Variants in TENM1 observed in about 807,000 individuals in gnomAD.
TENM1 encodes the protein teneurin-1.
A neutral mutation model predicts 174.8 loss-of-function variants in TENM1; 35 were observed. That is an observed-to-expected ratio of 0.20 (90% CI 0.15 to 0.27). The LOEUF (loss-of-function observed/expected upper bound fraction) is 0.27. Ranked by LOEUF, TENM1 falls within the 10% of genes least tolerant of loss-of-function variation. TENM1 has a pLI of 1.00. For missense variants in TENM1, 1,633 were observed against 2,130.1 expected (o/e 0.77, Z 4.59); for synonymous variants, 781 against 798.7 (o/e 0.98, Z 0.37).
intron 3 of TENM1, among the ~76,000 whole-genome samples, chrX:124,760,199 T>A (rs1055100339): frequency 9.0e-5 from 10 of 111,598 alleles, no homozygotes; most frequent in African/African-American, 3.3e-4. Context: ...TTGCTGAGTT[T>A]TTTTTCCTTT....
the TENM1 span, among the ~76,000 whole-genome samples, chrX:125,079,386 G>C: frequency 9.0e-6 from 1 of 111,444 alleles, no homozygotes; most frequent in African/African-American, 3.3e-5. Flanking sequence ...ATTTATAAAA[G>C]ACCTTTCTTG....
chrX:124,646,037 A>G (rs2051149928), intron 9 of TENM1, among the ~76,000 whole-genome samples: 1 of 112,275 alleles, frequency 8.9e-6, no homozygotes, highest in Non-Finnish European at 1.9e-5. Flanking sequence ...GAGAAACCTG[A>G]TATTAAAATA....
chrX:125,071,405 C>T, the TENM1 span, among the ~76,000 whole-genome samples: 10 of 111,499 alleles, frequency 9.0e-5, no homozygotes, highest in African/African-American at 6.5e-5. Context: ...CTACTTTTCC[C>T]GTACAATAAG....
the TENM1 span, among the ~76,000 whole-genome samples, chrX:124,971,251 G>A: frequency 1.6e-4 from 18 of 110,238 alleles, no homozygotes; most frequent in South Asian, 7.9e-4. Flanking sequence ...AAACCTGCAC[G>A]TTGTGCACAT....
intron 15 of TENM1, among the ~76,000 whole-genome samples, chrX:124,531,667 AT>A (rs2048109728): frequency 8.9e-6 from 1 of 112,025 alleles, no homozygotes; most frequent in Non-Finnish European, 1.9e-5. Context: ...AATTATGTAA[AT>A]CATGGTTCTG....
the TENM1 span, among the ~76,000 whole-genome samples, chrX:125,076,213 T>G: frequency 9.0e-6 from 1 of 111,633 alleles, no homozygotes; most frequent in East Asian, 2.9e-4. Flanking sequence ...CTAACAGATC[T>G]CTCCTTTACT....
chrX:124,701,216 T>C (rs1385322010), intron 5 of TENM1, among the ~76,000 whole-genome samples: 1 of 111,377 alleles, frequency 9.0e-6, no homozygotes, highest in Non-Finnish European at 1.9e-5. Flanking sequence ...AGGAAAAGGA[T>C]CATCCATGTC....
In TENM1 at chrX:124,784,488, T is replaced by C. The variant is rs1281304619; in HGVS notation, c.536-47291A>G. Among the ~76,000 whole-genome samples the C allele has an allele frequency of 3.6e-5, 4 of 111,697 alleles. No individual in the cohort carries two copies. The Admixed American group carries it at 3.8e-4, about 11-fold the overall frequency. ...TCTCTTCATATACAGCAGCCAATTTTTAGATATTTGCTTAGCTCACCTTCC... is the reference window on the plus strand; with the variant it reads ...TCTCTTCATATACAGCAGCCAATTTCTAGATATTTGCTTAGCTCACCTTCC... On this transcript the variant is annotated intron_variant, in intron 3 of 31. Coordinates refer to ENST00000422452, the Ensembl canonical transcript of TENM1.
rs61128914 is a variant in TENM1, at chrX:124,463,836, GGTGTGTGTGT to G, written c.3950-10355_3950-10346del. Among the ~76,000 whole-genome samples the G allele has an allele frequency of 5.6e-3, 508 of 90,932 alleles. 5 individuals carry two copies. Among genetic ancestry groups the G allele is most frequent in the African/African-American group, 0.019 (464 of 24,485 alleles). 79.0% of individuals were successfully genotyped at this position (90,932 alleles called of 115,157 possible). A position where few individuals can be genotyped will look rare whatever the true frequency, so the allele number is the denominator to read the frequency against. The stretch of plus-strand genomic sequence containing the variant: ...TTTTTCTTTGCTTTATAGAGGTTGG[GGTGTGTGTGT>G]GTGTGTGTGTGTGTGTGTGTGTGTG... On this transcript the variant is annotated intron_variant, in intron 22 of 31. Transcript: ENST00000422452.
intron 20 of TENM1, among the ~76,000 whole-genome samples, chrX:124,491,561 G>T (rs928054468): frequency 8.9e-6 from 1 of 111,742 alleles, no homozygotes; most frequent in African/African-American, 3.2e-5. Context: ...GAAGCTTTAA[G>T]ATGCATACAT....
intron 3 of TENM1, among the ~76,000 whole-genome samples, chrX:124,891,488 G>A (rs2057475251): frequency 9.1e-6 from 1 of 109,898 alleles, no homozygotes; most frequent in Non-Finnish European, 1.9e-5. Flanking sequence ...GTGAAACCTT[G>A]TCTAAACTAA....
chrX:124,587,093 C>T (rs1389934324), intron 11 of TENM1, among the ~76,000 whole-genome samples: 3 of 107,775 alleles, frequency 2.8e-5, no homozygotes, highest in South Asian at 4.2e-4. Flanking sequence ...GAATCAATAT[C>T]GTGAAAATGG....
At chrX:124,462,054 A>G (rs1324930604) in intron 22 of TENM1, among the ~76,000 whole-genome samples, 1 of 111,438 alleles carries the variant, frequency 9.0e-6, no homozygotes, top group Non-Finnish European at 1.9e-5. Flanking sequence ...GACAGAGACA[A>G]TGCTATGTGT....
the TENM1 span, among the ~76,000 whole-genome samples, chrX:125,046,857 C>CATGT: frequency 1.0e-5 from 1 of 98,230 alleles, no homozygotes; most frequent in Middle Eastern, 4.8e-3. Context: ...TGTGTGCATG[C>CATGT]GTGTGTGTGT....
rs140696781 is a variant in TENM1 at position 124,780,657 on chromosome X, A to C, written c.536-43460T>G. 3.7e-3 allele frequency among the ~76,000 whole-genome samples: 415 copies of C among 111,795 alleles called. 7 individuals carry two copies. Among genetic ancestry groups the C allele is most frequent in the African/African-American group, 0.013 (404 of 30,812 alleles). On this transcript the variant is annotated intron_variant, in intron 3 of 31. Transcript: ENST00000422452. ...ATTTCACTACCTCTGTTAATTAGTT[A>C]GATGTCTGAAGTTGAAGAGAAGTGT...
chrX:124,825,341 A>ATC (rs1381283006), intron 3 of TENM1, among the ~76,000 whole-genome samples: 1 of 105,500 alleles, frequency 9.5e-6, no homozygotes, highest in Non-Finnish European at 1.9e-5. Context: ...TAATATATAT[A>ATC]TTTAGTAGAG....
chrX:124,600,273 C>T (rs191042253), intron 11 of TENM1, among the ~76,000 whole-genome samples: 1 of 110,958 alleles, frequency 9.0e-6, no homozygotes, highest in African/African-American at 3.3e-5. Flanking sequence ...AAAAAGTGCT[C>T]AGAGAAAGAT....
At position 124,635,378 on chromosome X, in the gene TENM1, G is replaced by A. The variant is rs146775672; in HGVS notation, c.2077+6413C>T. On this transcript the variant is annotated intron_variant, in intron 11 of 31. Transcript: ENST00000422452. ...TAACAAAGCCTTCTGACATGTTAAG[G>A]AACTAACGTTCCTTAGAAGGGGCAC... 1.5e-3 allele frequency among the ~76,000 whole-genome samples: 168 copies of A among 112,041 alleles called. 1 individual carries two copies. Among genetic ancestry groups the A allele is most frequent in the African/African-American group, 5.3e-3 (163 of 30,876 alleles).
the TENM1 span, among the ~76,000 whole-genome samples, chrX:125,152,655 T>A: frequency 2.7e-5 from 3 of 112,428 alleles, no homozygotes; most frequent in African/African-American, 9.7e-5. Flanking sequence ...CAACCAAGTT[T>A]ATTGCCACAC....
Sources: gnomAD v4.1 joint callset for allele counts (sites outside exome capture counted in the v4.1 genomes callset) on GRCh38, gnomAD v4.1.1 for gene constraint, MANE v1.5 for transcripts, NCBI Gene and HGNC (gene_info 2026-07-23, HGNC 2026-07-21) for gene names.